The following RAD51B variants were observed in gnomAD, a reference collection of about 807,000 sequenced individuals.
The protein encoded by RAD51B is RAD51 paralog B.
A neutral mutation model predicts 42.2 loss-of-function variants in RAD51B; 38 were observed. That is an observed-to-expected ratio of 0.90 (90% CI 0.70 to 1.18). The LOEUF is 1.18. Among genes scored for constraint, RAD51B ranks in the 50% most tolerant of loss-of-function variants. The pLI, the probability that RAD51B is intolerant of heterozygous loss-of-function variation, is 0.00. For synonymous variants in RAD51B, 154 were observed against 145.2 expected, an observed-to-expected ratio of 1.06 and a Z score of -0.43; for missense variants, 373 against 400.7, an observed-to-expected ratio of 0.93 and a Z score of 0.59.
chr14:67,858,575 G>A (rs189801740), intron 4 of RAD51B, among the ~76,000 whole-genome samples: 26 of 152,214 alleles, frequency 1.7e-4, no homozygotes, highest in Non-Finnish European at 3.5e-4. Flanking sequence ...AAAGGTGGGC[G>A]AGACAGTGTG....
chr14:68,223,410 G>A (rs2079970366), intron 7 of RAD51B, among the ~76,000 whole-genome samples: 1 of 152,202 alleles, frequency 6.6e-6, no homozygotes, highest in African/African-American at 2.4e-5. Context: ...ACAAACACGT[G>A]TGTGCCTGGA....
chr14:67,999,512 A>G (rs2075442348), intron 7 of RAD51B, among the ~76,000 whole-genome samples: 2 of 152,214 alleles, frequency 1.3e-5, no homozygotes, highest in African/African-American at 2.4e-5. Context: ...TAAAGGCAGC[A>G]TGAAATTATA....
At chr14:68,473,054 C>T (rs765713986) in intron 10 of RAD51B, among the ~76,000 whole-genome samples, 8 of 152,140 alleles carry the variant, frequency 5.3e-5, no homozygotes, top group Admixed American at 3.3e-4. Context: ...CCCCAAATAC[C>T]ACCACTTGAG....
At chr14:68,618,525 G>C (rs1891872913) in intron 10 of RAD51B, among the ~76,000 whole-genome samples, 1 of 152,142 alleles carries the variant, frequency 6.6e-6, no homozygotes. Flanking sequence ...TAAGCTTAAA[G>C]TATTGCACCT....
At chr14:68,275,081 C>T (rs911832946) in intron 7 of RAD51B, among the ~76,000 whole-genome samples, 1 of 152,192 alleles carries the variant, frequency 6.6e-6, no homozygotes, top group Non-Finnish European at 1.5e-5. Flanking sequence ...CTGGTTTTAG[C>T]ACCCATTGAT....
chr14:68,562,544 G>A, intron 10 of RAD51B: 1 of 985,402 alleles, frequency 1.0e-6, no homozygotes, highest in Non-Finnish European at 1.2e-6. Context: ...CCATGTTTTG[G>A]CACGTGGCAA....
At chr14:68,428,803 G>C (rs12897678) in intron 9 of RAD51B, among the ~76,000 whole-genome samples, 118,220 of 139,658 alleles carry the variant, frequency 0.85, 50,136 homozygotes, top group East Asian at 0.97. Context: ...ATGTGCACAA[G>C]GTGCAGGTTT....
At position 68,566,877 on chromosome 14, in the gene RAD51B, G is replaced by T. The variant is rs77861275; in HGVS notation, c.1037-27608G>T. Among the ~76,000 whole-genome samples the T allele has an allele frequency of 3.5e-3, 535 of 152,118 alleles. 3 individuals carry two copies. Among genetic ancestry groups the T allele is most frequent in the East Asian group, 0.023 (121 of 5,164 alleles). ...ACCTTCTTTCTTATTACTCTTCAAT[G>T]CATTCTCTCTTCTACCAGCAATGGC... is the stretch of plus-strand genomic sequence containing the variant. On this transcript the variant is annotated intron_variant, in intron 10 of 10. Transcript: ENST00000487270.
chr14:67,941,024 A>G (rs140082718), intron 7 of RAD51B, among the ~76,000 whole-genome samples: 2 of 152,250 alleles, frequency 1.3e-5, no homozygotes, highest in Non-Finnish European at 2.9e-5. Context: ...TGTGCACATG[A>G]TGCAGTATTT....
intron 7 of RAD51B, among the ~76,000 whole-genome samples, chr14:67,965,845 A>G (rs933479444): frequency 5.3e-5 from 8 of 152,154 alleles, no homozygotes; most frequent in African/African-American, 1.9e-4. Context: ...AGTACTCTTG[A>G]CAAAAGAAAT....
At chr14:68,519,801 G>A (rs1231478134) in intron 10 of RAD51B, among the ~76,000 whole-genome samples, 1 of 152,128 alleles carries the variant, frequency 6.6e-6, no homozygotes, top group African/African-American at 2.4e-5. Flanking sequence ...GATTTGTCTA[G>A]ACATTTTCAG....
chr14:68,177,669 T>C (rs1818757747), intron 7 of RAD51B, among the ~76,000 whole-genome samples: 1 of 152,110 alleles, frequency 6.6e-6, no homozygotes, highest in South Asian at 2.1e-4. Context: ...TTAAGTTTTT[T>C]TTTTTTAAAT....
At chr14:67,937,262 C>T (rs761286866) in intron 7 of RAD51B, among the ~76,000 whole-genome samples, 3 of 152,182 alleles carry the variant, frequency 2.0e-5, no homozygotes, top group Non-Finnish European at 4.4e-5. Context: ...TAATGTCCTA[C>T]AGCACATGAC....
chr14:68,082,634 T>C (rs1280584924), intron 7 of RAD51B, among the ~76,000 whole-genome samples: 2 of 149,208 alleles, frequency 1.3e-5, no homozygotes, highest in African/African-American at 5.1e-5. Context: ...TGGAATTCAT[T>C]CCATGTTAGT....
intron 9 of RAD51B, among the ~76,000 whole-genome samples, chr14:68,423,745 T>C (rs765389313): frequency 3.3e-5 from 5 of 152,244 alleles, no homozygotes; most frequent in South Asian, 2.1e-4. Context: ...TCAATACTTA[T>C]ACTTGGTGGA....
In RAD51B at chr14:68,087,970, TTA is replaced by T. The variant is rs1295240539; in HGVS notation, c.756+200773_756+200774del. ...TTATATATAATTATATAATTTATTA[TTA>T]TATATAATTATATAATATATTATTA... On this transcript the variant is annotated intron_variant, in intron 7 of 10. Transcript: ENST00000471583. Among the ~76,000 whole-genome samples the T allele has an allele frequency of 2.3e-5, 3 of 128,018 alleles. No individual in the cohort carries two copies. The East Asian group carries it at 6.0e-4, about 26-fold the overall frequency. 84.0% of individuals were successfully genotyped at this position (128,018 alleles called of 152,430 possible). A position where few individuals can be genotyped will look rare whatever the true frequency, so the allele number is the denominator to read the frequency against.
At chr14:68,448,116 A>C (rs746177368) in intron 9 of RAD51B, among the ~76,000 whole-genome samples, 7 of 152,236 alleles carry the variant, frequency 4.6e-5, no homozygotes, top group Non-Finnish European at 8.8e-5. Flanking sequence ...AGGACCTTCC[A>C]AAGGCTTTGG....
chr14:68,183,440 C>T (rs1243092257), intron 7 of RAD51B, among the ~76,000 whole-genome samples: 1 of 152,180 alleles, frequency 6.6e-6, no homozygotes, highest in Non-Finnish European at 1.5e-5. Context: ...AGATGGTGCC[C>T]ACCAAGATTG....
intron 10 of RAD51B, among the ~76,000 whole-genome samples, chr14:68,493,208 C>T (rs1211275916): frequency 1.3e-5 from 2 of 152,192 alleles, no homozygotes; most frequent in Non-Finnish European, 2.9e-5. Context: ...GAGTTAGCTG[C>T]AGTTCATCTT....
Sources: gnomAD v4.1 joint callset for allele counts (sites outside exome capture counted in the v4.1 genomes callset) on GRCh38, gnomAD v4.1.1 for gene constraint, MANE v1.5 for transcripts, NCBI Gene and HGNC (gene_info 2026-07-23, HGNC 2026-07-21) for gene names.